Variants in MBP observed in about 807,000 individuals in gnomAD.
MBP encodes myelin basic protein, also known as Golli-MBP.
Under a neutral mutation model 35.8 loss-of-function variants are expected in MBP, and 16 were observed. The observed-to-expected ratio is 0.45, with a 90% confidence interval of 0.30 to 0.68. The LOEUF (loss-of-function observed/expected upper bound fraction) is 0.68. Ranked by LOEUF, MBP falls within the 30% of genes least tolerant of loss-of-function variation. The pLI is 0.08. For missense variants in MBP, 380 were observed against 404.7 expected (o/e 0.94, Z 0.52); for synonymous variants, 143 against 159.6 (o/e 0.90, Z 0.78).
chr18:77,027,839 G>A (rs930085202), intron 3 of MBP, among the ~76,000 whole-genome samples: 1 of 152,120 alleles, frequency 6.6e-6, no homozygotes, highest in African/African-American at 2.4e-5. Flanking sequence ...AGGTACATGA[G>A]ACCATCGCAG....
At position 77,017,155 on chromosome 18, in the gene MBP, G is replaced by A. The variant is rs1971695481; in HGVS notation, c.253C>T (p.Pro85Ser). The change falls in exon 4 of 9, where the codon CCA becomes TCA. Residue 85 changes from proline to serine, a missense_variant. By Grantham distance (74) the Pro-to-Ser change is moderately conservative. Transcript: ENST00000355994. ...CGGATCAAGTGGGGGCGGCTCCCTG[G>A]GTCAGCTGGGTGGGCATCCTGCCAG... ...NAWQDAHPAD[P>S]GSRPHLIRLF... 6.4e-7 allele frequency: 1 copy of A among 1,556,222 alleles called. No individual in the cohort carries two copies. The highest frequency in any genetic ancestry group is 8.7e-7 in the Non-Finnish European group (1 of 1,149,532).
chr18:77,050,673 A>G (rs1973452542), intron 3 of MBP, among the ~76,000 whole-genome samples: 1 of 152,250 alleles, frequency 6.6e-6, no homozygotes, highest in Admixed American at 6.5e-5. Flanking sequence ...CAGCTTCCCC[A>G]GTAGCTGGAA....
chr18:77,013,571 C>A (rs1971462934), intron 4 of MBP: 1 of 985,416 alleles, frequency 1.0e-6, no homozygotes, highest in South Asian at 4.7e-5. Flanking sequence ...CACTGAATGA[C>A]AAACAGTTCT....
chr18:77,013,047 C>G, intron 4 of MBP: 1 of 985,470 alleles, frequency 1.0e-6, no homozygotes, highest in African/African-American at 1.7e-5. Flanking sequence ...CAGAAGGACA[C>G]AGTGAGCAGC....
chr18:77,118,939 A>G (rs1976801772), intron 1 of MBP, among the ~76,000 whole-genome samples: 1 of 152,144 alleles, frequency 6.6e-6, no homozygotes, highest in Non-Finnish European at 1.5e-5. Flanking sequence ...GTGCACACAC[A>G]CTACCACACA....
chr18:77,091,766 C>CCA (rs371092851), intron 2 of MBP, among the ~76,000 whole-genome samples: 3 of 151,482 alleles, frequency 2.0e-5, no homozygotes, highest in Non-Finnish European at 4.4e-5. Flanking sequence ...TGTATATATG[C>CCA]CACACACACA....
Position 76,989,868 on chromosome 18 carries a change from G to A in MBP, c.681+88C>T, listed in dbSNP as rs796778280. On this transcript the variant is annotated intron_variant, in intron 5 of 8. Transcript: ENST00000355994. The surrounding 1 kb of genome is among the most constrained non-coding windows in gnomAD (Gnocchi z 4.0). ...GATGACCCCGGTGCCACCCCCGAGC[G>A]TACGAACGTCCTGTGTGGATGACAG... is the stretch of plus-strand genomic sequence containing the variant. 17 of 1,173,998 alleles carry A rather than the reference G, an allele frequency of 1.4e-5. No homozygotes were observed. In the African/African-American group the frequency reaches 2.0e-4, roughly 14 times the overall value. The allele number at this position is 1,173,998 out of a possible 1,614,324, so 72.7% of individuals were successfully genotyped here. A position where few individuals can be genotyped will look rare whatever the true frequency, so the allele number is the denominator to read the frequency against.
chr18:77,019,151 C>T (rs1029784970), intron 3 of MBP, among the ~76,000 whole-genome samples: 5 of 152,174 alleles, frequency 3.3e-5, no homozygotes, highest in African/African-American at 7.2e-5. Flanking sequence ...TTGTAATTCA[C>T]GAGGTCCTTG....
chr18:77,112,965 GT>G (rs1037146716), intron 1 of MBP: 5 of 152,038 alleles, frequency 3.3e-5, no homozygotes, highest in African/African-American at 1.2e-4. Context: ...TTGAGACAGA[GT>G]TTCACTCTTG....
At chr18:77,028,595 ACGGGGCGGC>A (rs1972349529) in intron 3 of MBP, among the ~76,000 whole-genome samples, 3 of 75,792 alleles carry the variant, frequency 4.0e-5, no homozygotes, top group African/African-American at 3.8e-5. Context: ...CACCTCCCGG[ACGGGGCGGC>A]TGGCCGGGCG....
At chr18:77,087,923 G>T (rs1975324365) in intron 2 of MBP, among the ~76,000 whole-genome samples, 1 of 152,108 alleles carries the variant, frequency 6.6e-6, no homozygotes, top group Admixed American at 6.5e-5. Flanking sequence ...TGGGGCAGGG[G>T]TCTCCGGGGA....
In MBP at chr18:77,044,808, T is replaced by C. The variant is rs1973162311; in HGVS notation, c.139+21490A>G. 6.6e-6 allele frequency among the ~76,000 whole-genome samples: 1 copy of C among 152,156 alleles called. No individual in the cohort carries two copies. Among genetic ancestry groups the C allele is most frequent in the African/African-American group, 2.4e-5 (1 of 41,432 alleles). ...TTTTCTTTCCAAATAAATTTACTTGTAGGAAACAGAAATGTCTGTTCTCTT... is the reference window on the plus strand; with the variant it reads ...TTTTCTTTCCAAATAAATTTACTTGCAGGAAACAGAAATGTCTGTTCTCTT... On this transcript the variant is annotated intron_variant, in intron 3 of 8. Coordinates refer to ENST00000355994, the MANE Select transcript of MBP (RefSeq NM_001025101.2). The surrounding 1 kb of genome is among the most constrained non-coding windows in gnomAD (Gnocchi z 4.4).
intron 3 of MBP, among the ~76,000 whole-genome samples, chr18:77,046,751 C>T (rs927064026): frequency 2.0e-5 from 3 of 152,234 alleles, no homozygotes; most frequent in Admixed American, 6.5e-5. Flanking sequence ...CTTGTTCCTA[C>T]GGCCCACCCT....
In MBP at chr18:76,988,076, G is replaced by A. The variant is rs1969659775; in HGVS notation, c.750+419C>T. ...TCATCAGCAGAATCATTTTCCCAGTGTCAGCATCTGGGGTCACTGAGACGG... is the reference window on the plus strand; with the variant it reads ...TCATCAGCAGAATCATTTTCCCAGTATCAGCATCTGGGGTCACTGAGACGG... On this transcript the variant is annotated intron_variant, in intron 7 of 8. Transcript: ENST00000355994. The surrounding 1 kb of genome is among the most constrained non-coding windows in gnomAD (Gnocchi z 5.2). 2.1e-6 allele frequency: 3 copies of A among 1,458,024 alleles called. No homozygotes were observed. The highest frequency in any genetic ancestry group is 5.1e-5 in the East Asian group (2 of 39,354). 90.3% of individuals were successfully genotyped at this position (1,458,024 alleles called of 1,614,324 possible).
intron 3 of MBP, among the ~76,000 whole-genome samples, chr18:77,042,711 GCGGC>G (rs997514956): frequency 6.6e-6 from 1 of 152,238 alleles, no homozygotes; most frequent in Admixed American, 6.5e-5. Flanking sequence ...GTCTAGCACA[GCGGC>G]CGGGCCAGGG....
chr18:77,037,727 C>T (rs945450602), intron 3 of MBP, among the ~76,000 whole-genome samples: 1 of 152,206 alleles, frequency 6.6e-6, no homozygotes, highest in African/African-American at 2.4e-5. Context: ...TGCTCAGCCT[C>T]TCTGATGAAG....
At chr18:77,086,028 G>A (rs993410291) in intron 2 of MBP, among the ~76,000 whole-genome samples, 1 of 151,368 alleles carries the variant, frequency 6.6e-6, no homozygotes, top group Non-Finnish European at 1.5e-5. Context: ...CAGACAAACA[G>A]AGAGAGAGAG....
chr18:77,095,245 G>A (rs1231003865), intron 2 of MBP: 2 of 152,204 alleles, frequency 1.3e-5, no homozygotes, highest in Non-Finnish European at 2.9e-5. Flanking sequence ...GTGTCCAAGT[G>A]TCAGGTGAGA....
chr18:76,993,275 G>A (rs1310472182), intron 4 of MBP, among the ~76,000 whole-genome samples: 1 of 152,210 alleles, frequency 6.6e-6, no homozygotes, highest in East Asian at 1.9e-4. Flanking sequence ...CATTTTGGCT[G>A]GGTGTGGTGG....
Sources: gnomAD v4.1 joint callset for allele counts (sites outside exome capture counted in the v4.1 genomes callset) on GRCh38, gnomAD v4.1.1 for gene constraint, Gnocchi (gnomAD v3.1) non-coding constraint, MANE v1.5 for transcripts, NCBI Gene and HGNC (gene_info 2026-07-23, HGNC 2026-07-21) for gene names.